The following POLR1A variants were observed in gnomAD, a reference collection of about 807,000 sequenced individuals.
POLR1A encodes the protein RNA polymerase I subunit A.
POLR1A carries 84 observed loss-of-function variants against 205.3 expected under a neutral mutation model. That is an observed-to-expected ratio of 0.41 (90% CI 0.34 to 0.49). The LOEUF (loss-of-function observed/expected upper bound fraction) is 0.49, where lower values mean the gene tolerates loss of function less well. POLR1A is among the 20% of genes least tolerant of loss of function. The probability of loss-of-function intolerance (pLI) is 0.22; values close to 1 mark genes in which losing one functional copy is unlikely to be tolerated. For synonymous variants in POLR1A, 799 were observed against 863.7 expected (o/e 0.93, Z 1.31); for missense variants, 1,645 against 2,204.5 (o/e 0.75, Z 5.08).
intron 16 of POLR1A, among the ~76,000 whole-genome samples, chr2:86,052,322 T>C (rs1012759271): frequency 6.6e-6 from 1 of 152,102 alleles, no homozygotes; most frequent in African/African-American, 2.4e-5. Flanking sequence ...AGGGCACTTG[T>C]GTAGCAGGGA....
rs187487275 is a variant in POLR1A at position 86,089,912 on chromosome 2, G to A, written c.450C>T (p.Pro150=). ...RILNRFLEEN[P]DPSASEIREE... ...CCCGAATTTCAGAGGCAGAGGGATC[G>A]GGATTTTCTTCCAGAAACTGGAAAA... Residue 150 remains proline, a synonymous_variant, in exon 4 of 34, where the codon CCC becomes CCT. Coordinates refer to ENST00000263857, the MANE Select transcript of POLR1A (RefSeq NM_015425.6). 3,031 of 1,596,182 alleles carry A rather than the reference G, an allele frequency of 1.9e-3. 4 individuals carry two copies. The highest frequency in any genetic ancestry group is 2.4e-3 in the Non-Finnish European group (2,823 of 1,163,590).
intron 14 of POLR1A, among the ~76,000 whole-genome samples, chr2:86,055,747 TAAAA>T (rs1672883714): frequency 6.6e-6 from 1 of 152,174 alleles, no homozygotes; most frequent in African/African-American, 2.4e-5. Flanking sequence ...CCTTTCAGGA[TAAAA>T]ATACTCAACA....
At chr2:86,076,198 A>G (rs1452892613) in intron 11 of POLR1A, among the ~76,000 whole-genome samples, 1 of 152,190 alleles carries the variant, frequency 6.6e-6, no homozygotes, top group Admixed American at 6.5e-5. Flanking sequence ...ATGCTTCCAA[A>G]TGTACACAAA....
chr2:86,091,764 C>T (rs935690505), intron 3 of POLR1A, among the ~76,000 whole-genome samples: 3 of 152,140 alleles, frequency 2.0e-5, no homozygotes, highest in South Asian at 2.1e-4. Flanking sequence ...ATCTGTCTTT[C>T]GGACAAATTT....
rs1201521203 is a variant in POLR1A, at chr2:86,044,260, A to C, written c.3014T>G (p.Leu1005Arg). 6.2e-7 allele frequency: 1 copy of C among 1,614,150 alleles called. No individual in the cohort carries two copies. Among genetic ancestry groups the C allele is most frequent in the South Asian group, 1.1e-5 (1 of 91,082 alleles). ...ACTGCCGTCACTGTCACGGACCGTG[A>C]GATCATACTGCACGACCAGCCCCTC... ...HLEGLVVQYDLTVRDSDGSVV... is the reference protein window; with the variant it reads ...HLEGLVVQYDRTVRDSDGSVV... Residue 1005 changes from leucine to arginine, a missense_variant, in exon 22 of 34, where the codon CTC (leucine) becomes CGC (arginine). Coordinates refer to ENST00000263857, the MANE Select transcript of POLR1A (RefSeq NM_015425.6).
rs777998289 is a variant in POLR1A at position 86,039,355 on chromosome 2, T to C, written c.3848A>G (p.Lys1283Arg). 6.2e-7 allele frequency: 1 copy of C among 1,614,140 alleles called. No individual in the cohort carries two copies. Among genetic ancestry groups the C allele is most frequent in the Non-Finnish European group, 8.5e-7 (1 of 1,180,026 alleles). Residue 1283 changes from lysine to arginine, a missense_variant, in exon 26 of 34, where the codon AAG (lysine) becomes AGG (arginine). Physicochemically the swap from Lys to Arg is conservative, Grantham distance 26 (BLOSUM62 2). This residue lies in a region of POLR1A where 394 missense variants were observed against 468.5 expected (regional missense o/e 0.84). Coordinates refer to ENST00000263857, the MANE Select transcript of POLR1A (RefSeq NM_015425.6). ...KALKRVKSLK[K>R]QLTRVCLGEV... ...CCCCAAGCACACCCTGGTGAGTTGCTTCTTCAGGCTTTTCACTCTCTTCAG... is the reference window on the plus strand; with the variant it reads ...CCCCAAGCACACCCTGGTGAGTTGCCTCTTCAGGCTTTTCACTCTCTTCAG...
rs142989159 is a variant in POLR1A, at chr2:86,052,804, G to C, written c.2392+13C>G. The C allele has an allele frequency of 1.6e-5, 24 of 1,501,228 alleles. No individual in the cohort carries two copies. In the East Asian group the frequency reaches 5.9e-4, roughly 37 times the overall value. The allele number at this position is 1,501,228 out of a possible 1,614,324, so 93.0% of individuals were successfully genotyped here. A position where few individuals can be genotyped will look rare whatever the true frequency, so the allele number is the denominator to read the frequency against. ...ACGGGTCACTGCCCCAGGGCAGCGAGCCCGGCACTTACCCAAGGTGAAGCC... is the reference window on the plus strand; with the variant it reads ...ACGGGTCACTGCCCCAGGGCAGCGACCCCGGCACTTACCCAAGGTGAAGCC... On this transcript the variant is annotated intron_variant, in intron 16 of 33. Transcript: ENST00000263857.
Position 86,023,645 on chromosome 2 carries a change from G to C in POLR1A, c.*3778C>G, listed in dbSNP as rs1386435809. 1 of 152,190 alleles carries C rather than the reference G, an allele frequency of 6.6e-6. No homozygotes were observed. The highest frequency in any genetic ancestry group is 2.4e-5 in the African/African-American group (1 of 41,440). The allele number at this position is 152,190 out of a possible 1,614,324, so 9.4% of individuals were successfully genotyped here. On this transcript the variant is annotated 3_prime_UTR_variant, in exon 34 of 34. Coordinates refer to ENST00000263857, the MANE Select transcript of POLR1A (RefSeq NM_015425.6). The stretch of plus-strand genomic sequence containing the variant: ...GGTGGGAACATAAAATGGTGTAGCT[G>C]CTGTGGAAAATGGGACAGCAGTTCC...
chr2:86,100,690 T>C (rs1673803254), intron 1 of POLR1A, among the ~76,000 whole-genome samples: 1 of 152,036 alleles, frequency 6.6e-6, no homozygotes, highest in Admixed American at 6.6e-5. Flanking sequence ...TGTGTCAATA[T>C]GCCCAAACAA....
rs780046747 is a variant in POLR1A at position 86,038,751 on chromosome 2, T to C, written c.3983A>G (p.Gln1328Arg). ...RFQFLPHAYY[Q>R]QEKCLRPEDI... Reference sequence around the variant, plus strand: ...CTCGGGTCTCAGGCACTTCTCCTGCTGGTAATATGCATGTGGCAGGAACTG... The same window carrying C: ...CTCGGGTCTCAGGCACTTCTCCTGCCGGTAATATGCATGTGGCAGGAACTG... The change falls in exon 27 of 34, where the codon CAG (glutamine) becomes CGG (arginine). Residue 1328 changes from glutamine to arginine, a missense_variant. Around this residue, in one of 16 missense-constraint regions of POLR1A, gnomAD observed 394 missense variants for 468.5 expected, o/e 0.84. Coordinates refer to ENST00000263857, the MANE Select transcript of POLR1A (RefSeq NM_015425.6). The C allele has an allele frequency of 9.9e-6, 16 of 1,613,812 alleles. No individual in the cohort carries two copies. The highest frequency in any genetic ancestry group is 5.0e-5 in the Admixed American group (3 of 60,002).
intron 19 of POLR1A, among the ~76,000 whole-genome samples, chr2:86,046,428 G>A (rs187743677): frequency 2.0e-5 from 3 of 152,298 alleles, no homozygotes; most frequent in East Asian, 3.9e-4. Context: ...ATTTCCTAAC[G>A]GCTTTCGGCC....
intron 14 of POLR1A, 85 bp from the exon 15 acceptor site, chr2:86,054,374 A>G (rs1207410931): frequency 2.1e-6 from 3 of 1,443,926 alleles, no homozygotes; most frequent in Non-Finnish European, 2.8e-6. Flanking sequence ...AGAAGAGTTA[A>G]GAACTTCCCT....
intron 23 of POLR1A, among the ~76,000 whole-genome samples, chr2:86,042,324 C>T (rs1009688139): frequency 2.0e-5 from 3 of 152,200 alleles, no homozygotes; most frequent in Middle Eastern, 3.2e-3. Context: ...CATTCAAGCC[C>T]AGGGAGGGCA....
intron 26 of POLR1A, 27 bp from the exon 27 acceptor site, chr2:86,038,884 T>C: frequency 6.2e-7 from 1 of 1,612,632 alleles, no homozygotes; most frequent in South Asian, 1.1e-5. Context: ...AGAGAGAACT[T>C]GACTTGTTCA....
At chr2:86,032,011 T>C (rs1238290027) in intron 29 of POLR1A, among the ~76,000 whole-genome samples, 1 of 152,196 alleles carries the variant, frequency 6.6e-6, no homozygotes, top group African/African-American at 2.4e-5. Context: ...GCCAGAAGCC[T>C]GTCTGGATCC....
Position 86,080,852 on chromosome 2 carries a change from C to A in POLR1A, c.1050G>T (p.Lys350Asn). Residue 350 changes from lysine (K) to asparagine (N), a missense_variant, in exon 9 of 34, where the codon AAG (lysine) becomes AAT (asparagine). By Grantham distance (94) the Lys-to-Asn change is moderately conservative. Transcript: ENST00000263857. The part of the protein sequence containing the change: ...KLLALMAQEQ[K>N]LPEEVATPTT... The stretch of plus-strand genomic sequence containing the variant: ...TGGGTGTGGCCACTTCCTCTGGCAA[C>A]TTCTGTTCTTGGGCCATCAATGCCA... 1 of 1,613,896 alleles carries A rather than the reference C, an allele frequency of 6.2e-7. No homozygotes were observed. The highest frequency in any genetic ancestry group is 1.1e-5 in the South Asian group (1 of 91,036).
chr2:86,039,122 C>T (rs1672552737), intron 26 of POLR1A, among the ~76,000 whole-genome samples: 2 of 152,138 alleles, frequency 1.3e-5, no homozygotes, highest in South Asian at 2.1e-4. Context: ...ATTTTTCAGG[C>T]ACAGGAGGAT....
rs374963397 is a variant in POLR1A at position 86,074,240 on chromosome 2, AAAG to A, written c.1611+787_1611+789del. ...ACTTTGCAGAGGTGAACTCAGTGTTAAAGAAGGGCAGGTCAGCCATGGGTATGG... is the reference window on the plus strand; with the variant it reads ...ACTTTGCAGAGGTGAACTCAGTGTTAAAGGGCAGGTCAGCCATGGGTATGG... On this transcript the variant is annotated intron_variant, in intron 12 of 33. Coordinates refer to ENST00000263857, the MANE Select transcript of POLR1A (RefSeq NM_015425.6). Among the ~76,000 whole-genome samples the A allele has an allele frequency of 4.9e-3, 752 of 152,292 alleles. 6 individuals carry two copies. The highest frequency in any genetic ancestry group is 0.017 in the African/African-American group (712 of 41,562).
In POLR1A at chr2:86,100,094, A is replaced by G; in HGVS notation, c.156T>C (p.Asp52=). ...TGGAATCTGCAGGGCCCAAAGCTAA[A>G]TCGTACAGGCCGTTTGCCGATGGGT... The part of the protein sequence containing the change: ...LGNPSANGLY[D]LALGPADSKE... Residue 52 remains aspartate, a synonymous_variant, in exon 2 of 34, where the codon GAT becomes GAC. Transcript: ENST00000263857. 6.2e-7 allele frequency: 1 copy of G among 1,614,168 alleles called. No homozygotes were observed. The highest frequency in any genetic ancestry group is 8.5e-7 in the Non-Finnish European group (1 of 1,180,008).
Sources: allele counts gnomAD v4.1 joint callset (sites outside exome capture counted in the v4.1 genomes callset), GRCh38; gene constraint gnomAD v4.1.1; regional missense constraint gnomAD v4.1.1; transcripts MANE v1.5; gene names NCBI Gene and HGNC (gene_info 2026-07-23, HGNC 2026-07-21).